The following PPA2 variants were observed in gnomAD, a reference collection of about 807,000 sequenced individuals.
PPA2 encodes inorganic pyrophosphatase 2, mitochondrial.
In PPA2, 48 loss-of-function variants were observed where a neutral mutation model predicts 49.5. The observed-to-expected ratio is 0.97, with a 90% CI of 0.77 to 1.23. The LOEUF (loss-of-function observed/expected upper bound fraction) is 1.23. PPA2 is among the 50% of genes most tolerant of loss of function. The pLI, the probability that PPA2 is intolerant of heterozygous loss-of-function variation, is 0.00. For missense variants in PPA2, 429 were observed against 410.1 expected (o/e 1.05, Z -0.40); for synonymous variants, 131 against 139.9 (o/e 0.94, Z 0.45).
At chr4:105,428,769 G>A (rs561865216) in intron 6 of PPA2, among the ~76,000 whole-genome samples, 56 of 152,066 alleles carry the variant, frequency 3.7e-4, no homozygotes, top group African/African-American at 1.2e-3. Context: ...ATATACCTAC[G>A]TAACAAAACT....
At chr4:105,464,077 GA>G (rs1723202673) in intron 1 of PPA2, among the ~76,000 whole-genome samples, 1 of 152,154 alleles carries the variant, frequency 6.6e-6, no homozygotes, top group Admixed American at 6.5e-5. Flanking sequence ...CATGCACCCA[GA>G]AAAGCCACAG....
At chr4:105,456,609 T>C (rs1722884675) in intron 2 of PPA2, 72 bp downstream of exon 2, 3 of 1,276,232 alleles carry the variant, frequency 2.4e-6, no homozygotes, top group Non-Finnish European at 3.3e-6. Context: ...CCTTTCAAGG[T>C]GCTTCCAAAA....
intron 5 of PPA2, among the ~76,000 whole-genome samples, chr4:105,440,959 A>C (rs1054285042): frequency 1.3e-5 from 2 of 152,202 alleles, no homozygotes; most frequent in African/African-American, 2.4e-5. Context: ...CCAACCTTTA[A>C]TACTCTGCAT....
chr4:105,395,317 C>T (rs1311396247), intron 9 of PPA2, among the ~76,000 whole-genome samples: 1 of 151,534 alleles, frequency 6.6e-6, no homozygotes, highest in Non-Finnish European at 1.5e-5. Flanking sequence ...CTCTTGATTC[C>T]CAGACTGTGC....
chr4:105,388,540 AGCGGTTGGGT>A (rs1733771455), intron 9 of PPA2, among the ~76,000 whole-genome samples: 1 of 152,186 alleles, frequency 6.6e-6, no homozygotes, highest in African/African-American at 2.4e-5. Flanking sequence ...AAAATGTATG[AGCGGTTGGGT>A]GCAGTGGCTC....
rs1358796916 is a variant in PPA2, at chr4:105,386,582, T to A, written c.924A>T (p.Arg308Ser). The A allele has an allele frequency of 6.2e-7, 1 of 1,611,966 alleles. No homozygotes were observed. Reference protein sequence around the residue: ...SPFRCTQEEARSLVESVSSSP... With the variant: ...SPFRCTQEEASSLVESVSSSP... ...TGCCCCTTACCGATTCAACTAATGA[T>A]CTTGCTTCCTCTTGAGTGCAACGGA... Residue 308 changes from arginine (R) to serine (S), a missense_variant, in exon 10 of 12, where the codon AGA becomes AGT. By Grantham distance (110) the Arg-to-Ser change is moderately radical. Transcript: ENST00000341695.
chr4:105,468,380 C>T (rs1476327532), intron 1 of PPA2, among the ~76,000 whole-genome samples: 1 of 152,064 alleles, frequency 6.6e-6, no homozygotes, highest in African/African-American at 2.4e-5. Context: ...AAAACTAAGA[C>T]AAAGTGCATC....
intron 1 of PPA2, among the ~76,000 whole-genome samples, chr4:105,465,036 A>G (rs1171497411): frequency 1.3e-5 from 2 of 152,176 alleles, no homozygotes; most frequent in Non-Finnish European, 2.9e-5. Context: ...CCTATTATAT[A>G]TATCAAAAAT....
chr4:105,425,753 CACACACACA>C (rs1357458939), intron 6 of PPA2, among the ~76,000 whole-genome samples: 21 of 151,682 alleles, frequency 1.4e-4, no homozygotes, highest in African/African-American at 4.8e-4. Context: ...CACACACACA[CACACACACA>C]CCCATCAGAA....
chr4:105,420,399 C>A (rs1560622729), intron 7 of PPA2, among the ~76,000 whole-genome samples: 2 of 152,122 alleles, frequency 1.3e-5, no homozygotes, highest in Non-Finnish European at 2.9e-5. Flanking sequence ...AGCAACCATG[C>A]CGGCCAAGGA....
chr4:105,430,659 A>G (rs528193688), intron 6 of PPA2, among the ~76,000 whole-genome samples: 6 of 152,328 alleles, frequency 3.9e-5, no homozygotes, highest in Admixed American at 3.9e-4. Context: ...TGATAAAAGG[A>G]CAAGATAGAG....
At chr4:105,458,983 G>A (rs1019391842) in intron 1 of PPA2, among the ~76,000 whole-genome samples, 5 of 151,890 alleles carry the variant, frequency 3.3e-5, no homozygotes, top group African/African-American at 9.7e-5. Flanking sequence ...TGTTTGTTCT[G>A]TTATGCTTTC....
intron 7 of PPA2, among the ~76,000 whole-genome samples, chr4:105,406,587 A>G (rs889021157): frequency 6.6e-6 from 1 of 152,206 alleles, no homozygotes; most frequent in East Asian, 1.9e-4. Context: ...TACATTATAC[A>G]CTAGTAACAA....
rs1033451244 is a variant in PPA2, at chr4:105,370,907, C to T, written c.940-34G>A. On this transcript the variant is annotated intron_variant, in intron 10 of 11. Transcript: ENST00000341695. ...AAAAACAGAGAAAGAATCTCTGTTA[C>T]AATAAATATTTATATGTGGAAAGCG... 9.0e-6 allele frequency: 13 copies of T among 1,438,970 alleles called. No homozygotes were observed. The African/African-American group carries it at 1.3e-4, about 15-fold the overall frequency. The allele number at this position is 1,438,970 out of a possible 1,614,324, so 89.1% of individuals were successfully genotyped here. A position where few individuals can be genotyped will look rare whatever the true frequency, so the allele number is the denominator to read the frequency against.
At chr4:105,386,504 T>C in intron 10 of PPA2, 63 bp downstream of exon 10, 2 of 1,477,480 alleles carry the variant, frequency 1.4e-6, no homozygotes, top group Non-Finnish European at 1.9e-6. Context: ...GATTTCAGAA[T>C]TTCTACTAGA....
At chr4:105,412,961 G>A (rs986664906) in intron 7 of PPA2, among the ~76,000 whole-genome samples, 3 of 152,174 alleles carry the variant, frequency 2.0e-5, no homozygotes, top group Non-Finnish European at 4.4e-5. Context: ...AATACCATTT[G>A]ACCCAGAGAT....
intron 5 of PPA2, among the ~76,000 whole-genome samples, chr4:105,443,919 A>C (rs1724489913): frequency 1.3e-5 from 2 of 152,034 alleles, no homozygotes; most frequent in Admixed American, 1.3e-4. Flanking sequence ...ACACCTTTTC[A>C]CTGAGATCGT....
chr4:105,405,677 C>A lies in PPA2; in HGVS notation c.656-6513G>T, dbSNP rs1446440223. 6 of 978,756 alleles carry A rather than the reference C, an allele frequency of 6.1e-6. No homozygotes were observed. The African/African-American group carries it at 8.7e-5, about 14-fold the overall frequency. 60.6% of individuals were successfully genotyped at this position (978,756 alleles called of 1,614,324 possible). A position where few individuals can be genotyped will look rare whatever the true frequency, so the allele number is the denominator to read the frequency against. On this transcript the variant is annotated intron_variant, in intron 7 of 11. Transcript: ENST00000341695. Reference sequence around the variant, plus strand: ...CAGAGACCTTTTGACAGGAGGGGCACTAAATTCGTGTTTCAATGTACTCCC... The same window carrying A: ...CAGAGACCTTTTGACAGGAGGGGCAATAAATTCGTGTTTCAATGTACTCCC...
At chr4:105,467,373 C>G (rs1723347136) in intron 1 of PPA2, among the ~76,000 whole-genome samples, 1 of 152,200 alleles carries the variant, frequency 6.6e-6, no homozygotes, top group South Asian at 2.1e-4. Context: ...GTCTGAGAAA[C>G]AGCAAGGAGG....
Sources: allele counts gnomAD v4.1 joint callset (sites outside exome capture counted in the v4.1 genomes callset), GRCh38; gene constraint gnomAD v4.1.1; transcripts MANE v1.5; gene names NCBI Gene and HGNC (gene_info 2026-07-23, HGNC 2026-07-21).